The following STIMATE variants were observed in gnomAD, a reference collection of about 807,000 sequenced individuals.
The protein encoded by STIMATE is store-operated calcium entry regulator STIMATE.
Under a neutral mutation model 36.7 loss-of-function variants are expected in STIMATE, and 15 were observed. That is an observed-to-expected ratio of 0.41 (90% confidence interval 0.27 to 0.63). The LOEUF is 0.63. Ranked by LOEUF, STIMATE falls within the 20% of genes least tolerant of loss-of-function variation. The pLI is 0.32. For missense variants in STIMATE, 305 were observed against 397.3 expected, an observed-to-expected ratio of 0.77 and a Z score of 1.98; for synonymous variants, 163 against 162.3, an observed-to-expected ratio of 1.00 and a Z score of -0.03.
intron 1 of STIMATE, among the ~76,000 whole-genome samples, chr3:52,888,102 T>C (rs1701723743): frequency 7.5e-6 from 1 of 133,288 alleles, no homozygotes; most frequent in African/African-American, 2.8e-5. Context: ...AACACTTGAA[T>C]CTCCCTACAC....
intron 4 of STIMATE, chr3:52,847,420 C>T (rs1700926291): frequency 7.8e-7 from 1 of 1,282,914 alleles, no homozygotes; most frequent in African/African-American, 1.5e-5. Flanking sequence ...AGGGCTTCCA[C>T]ATGGGAAAGA....
intron 1 of STIMATE, among the ~76,000 whole-genome samples, chr3:52,857,972 G>C (rs1244566435): frequency 6.6e-6 from 1 of 152,266 alleles, no homozygotes; most frequent in Middle Eastern, 3.4e-3. Flanking sequence ...AAGAGGAGGA[G>C]ATTAGGACAC....
rs990384335 is a variant in STIMATE, at chr3:52,897,492, C to T, written c.-42G>A. 1.2e-5 allele frequency: 15 copies of T among 1,208,016 alleles called. No homozygotes were observed. The highest frequency in any genetic ancestry group is 1.5e-5 in the Non-Finnish European group (15 of 973,694). 74.8% of individuals were successfully genotyped at this position (1,208,016 alleles called of 1,614,324 possible). On this transcript the variant is annotated 5_prime_UTR_variant, in exon 1 of 8. Coordinates refer to ENST00000355083, the MANE Select transcript of STIMATE (RefSeq NM_198563.5). Reference sequence around the variant, plus strand: ...GGGGCGCGAGGGCCCAGGGCCCGCCCGGCCTCGCTGCCTGCCGGCGCAGCG... The same window carrying T: ...GGGGCGCGAGGGCCCAGGGCCCGCCTGGCCTCGCTGCCTGCCGGCGCAGCG...
intron 1 of STIMATE, chr3:52,895,856 AG>A: frequency 7.8e-7 from 1 of 1,278,126 alleles, no homozygotes. Flanking sequence ...GAGAAGTAGG[AG>A]GGGTATGAAG....
intron 1 of STIMATE, among the ~76,000 whole-genome samples, chr3:52,871,864 C>T (rs142008138): frequency 2.6e-5 from 4 of 152,320 alleles, no homozygotes; most frequent in African/African-American, 9.6e-5. Context: ...CTTTCCACGG[C>T]AGATAGAAGA....
intron 1 of STIMATE, among the ~76,000 whole-genome samples, chr3:52,856,491 G>A (rs1701098880): frequency 1.1e-5 from 1 of 95,072 alleles, no homozygotes; most frequent in African/African-American, 3.0e-5. Flanking sequence ...GACCAGCCTG[G>A]GTAACAGAGT....
intron 1 of STIMATE, among the ~76,000 whole-genome samples, chr3:52,877,344 C>G (rs563214576): frequency 2.8e-4 from 42 of 152,320 alleles, no homozygotes; most frequent in African/African-American, 1.0e-3. Context: ...CCAAGTGGCA[C>G]AATGTTAGGA....
chr3:52,852,047 C>T (rs754904726), intron 3 of STIMATE, among the ~76,000 whole-genome samples: 5 of 152,220 alleles, frequency 3.3e-5, no homozygotes, highest in Non-Finnish European at 7.3e-5. Flanking sequence ...GCCTCCTCTG[C>T]CACTCCACCT....
chr3:52,889,821 A>C (rs534203853), intron 1 of STIMATE, among the ~76,000 whole-genome samples: 13 of 152,318 alleles, frequency 8.5e-5, no homozygotes, highest in African/African-American at 3.1e-4. Context: ...CAAGGAAATA[A>C]TACAAATGGA....
At chr3:52,844,493 C>G (rs921219425) in intron 5 of STIMATE, among the ~76,000 whole-genome samples, 1 of 152,324 alleles carries the variant, frequency 6.6e-6, no homozygotes, top group Admixed American at 6.5e-5. Context: ...AAACTACCAG[C>G]CAAGAGAGGT....
intron 1 of STIMATE, among the ~76,000 whole-genome samples, chr3:52,864,011 C>T (rs1006802795): frequency 1.3e-5 from 2 of 152,238 alleles, no homozygotes; most frequent in African/African-American, 4.8e-5. Context: ...TGCAGGTTTT[C>T]CAGGCTAACA....
At chr3:52,885,275 G>C (rs918264084) in intron 1 of STIMATE, among the ~76,000 whole-genome samples, 2 of 151,754 alleles carry the variant, frequency 1.3e-5, no homozygotes, top group African/African-American at 2.4e-5. Context: ...TTTTTTCTGA[G>C]TTCTAAGAAT....
intron 1 of STIMATE, among the ~76,000 whole-genome samples, chr3:52,886,220 A>G (rs1372367794): frequency 6.6e-6 from 1 of 152,208 alleles, no homozygotes; most frequent in Non-Finnish European, 1.5e-5. Flanking sequence ...AGACCTCCAC[A>G]TGCAGAGGAC....
intron 1 of STIMATE, among the ~76,000 whole-genome samples, chr3:52,860,733 C>T (rs761399162): frequency 6.6e-6 from 1 of 152,144 alleles, no homozygotes; most frequent in Non-Finnish European, 1.5e-5. Flanking sequence ...GGTCAGATTC[C>T]GGTTGGGTCT....
chr3:52,868,967 G>A lies in STIMATE; in HGVS notation c.161-13523C>T, dbSNP rs923606148. On this transcript the variant is annotated intron_variant, in intron 1 of 7. Transcript: ENST00000355083. ...TTGCTTCTAATCTTTCTGACAACCC[G>A]GCAAAGTATCATCTCTATTTTACAG... is the stretch of plus-strand genomic sequence containing the variant. Among the ~76,000 whole-genome samples the A allele has an allele frequency of 5.3e-5, 8 of 152,042 alleles. No homozygotes were observed. The South Asian group carries it at 6.2e-4, about 12-fold the overall frequency.
intron 1 of STIMATE, among the ~76,000 whole-genome samples, chr3:52,871,068 T>A (rs1215707325): frequency 6.6e-6 from 1 of 152,090 alleles, no homozygotes; most frequent in East Asian, 1.9e-4. Context: ...CCTTCATCGT[T>A]GCATTAGGAG....
intron 1 of STIMATE, among the ~76,000 whole-genome samples, chr3:52,875,728 T>A (rs1701493555): frequency 6.6e-6 from 1 of 152,206 alleles, no homozygotes; most frequent in African/African-American, 2.4e-5. Context: ...ACTGGGTCAC[T>A]CAACTTACTA....
At chr3:52,883,950 A>G (rs951183538) in intron 1 of STIMATE, among the ~76,000 whole-genome samples, 1 of 152,130 alleles carries the variant, frequency 6.6e-6, no homozygotes, top group African/African-American at 2.4e-5. Context: ...TTCTTTACCT[A>G]ACCTGTCTAG....
At chr3:52,889,986 C>G (rs1266298571) in intron 1 of STIMATE, among the ~76,000 whole-genome samples, 1 of 152,182 alleles carries the variant, frequency 6.6e-6, no homozygotes, top group African/African-American at 2.4e-5. Context: ...TGCCTCTACC[C>G]TCTCCAGCGC....
Sources: gnomAD v4.1 joint callset for allele counts (sites outside exome capture counted in the v4.1 genomes callset) on GRCh38, gnomAD v4.1.1 for gene constraint, MANE v1.5 for transcripts, NCBI Gene and HGNC (gene_info 2026-07-23, HGNC 2026-07-21) for gene names.